The following TMEM131 variants were observed in gnomAD, a reference collection of about 807,000 sequenced individuals.
The protein encoded by TMEM131 is transmembrane protein 131, also known as 2610524E03Rik.
TMEM131 carries 66 observed loss-of-function variants against 211.6 expected under a neutral mutation model. That is an observed-to-expected ratio of 0.31 (90% CI 0.26 to 0.38). The LOEUF is 0.38. Ranked by LOEUF, TMEM131 falls within the 10% of genes least tolerant of loss-of-function variation. The probability of loss-of-function intolerance (pLI) is 1.00; values close to 1 mark genes in which losing one functional copy is unlikely to be tolerated. For missense variants in TMEM131, 2,036 were observed against 2,299.3 expected (o/e 0.89, Z 2.34); for synonymous variants, 844 against 841.3 (o/e 1.00, Z -0.06).
At chr2:97,987,399 AG>A (rs1265981871) in intron 1 of TMEM131, among the ~76,000 whole-genome samples, 9 of 152,144 alleles carry the variant, frequency 5.9e-5, no homozygotes, top group Admixed American at 3.9e-4. Context: ...GCTACTCAGG[AG>A]GCTGAGGCAG....
rs777788622 is a variant in TMEM131 at position 97,814,035 on chromosome 2, ATGT to A, written c.1550_1552del (p.Asn517del). 4 of 1,601,568 alleles carry A rather than the reference ATGT, an allele frequency of 2.5e-6. No individual in the cohort carries two copies. Among genetic ancestry groups the A allele is most frequent in the Non-Finnish European group, 3.4e-6 (4 of 1,173,060 alleles). On this transcript the variant is annotated inframe_deletion, in exon 15 of 41. Transcript: ENST00000186436. Reference sequence around the variant, plus strand: ...TTTAGAAGCATTGGTAATAAGTAAAATGTTGTTATCAATGTGCATGGATGATGT... The same window carrying A: ...TTTAGAAGCATTGGTAATAAGTAAAATGTTATCAATGTGCATGGATGATGT...
intron 36 of TMEM131, 132 bp from the exon 37 acceptor site, chr2:97,761,046 C>T (rs1678813556): frequency 7.4e-6 from 9 of 1,220,372 alleles, no homozygotes; most frequent in Non-Finnish European, 9.2e-6. Context: ...ATCGCTCAGC[C>T]TCATGTCACA....
At chr2:97,772,061 C>A (rs923675826) in intron 33 of TMEM131, among the ~76,000 whole-genome samples, 1 of 152,188 alleles carries the variant, frequency 6.6e-6, no homozygotes, top group Non-Finnish European at 1.5e-5. Flanking sequence ...TATAACAGAT[C>A]GTGAGCTCTG....
chr2:97,970,940 G>A (rs1333298233), intron 1 of TMEM131, among the ~76,000 whole-genome samples: 1 of 152,118 alleles, frequency 6.6e-6, no homozygotes, highest in Non-Finnish European at 1.5e-5. Flanking sequence ...ATAAAAGCCG[G>A]GTTTGTTTTT....
intron 36 of TMEM131, 200 bp downstream of exon 36, chr2:97,761,835 A>C (rs1678868060): frequency 1.8e-6 from 1 of 546,664 alleles, no homozygotes; most frequent in South Asian, 2.7e-5. Context: ...TTAGAATGGG[A>C]ACCGGGTTAC....
intron 5 of TMEM131, among the ~76,000 whole-genome samples, chr2:97,851,983 A>T (rs1673643051): frequency 6.6e-6 from 1 of 152,196 alleles, no homozygotes; most frequent in African/African-American, 2.4e-5. Context: ...GAGAGGCTCA[A>T]AGCTAGGCCT....
At chr2:97,854,038 T>C (rs1673740134) in intron 5 of TMEM131, among the ~76,000 whole-genome samples, 1 of 152,216 alleles carries the variant, frequency 6.6e-6, no homozygotes, top group Non-Finnish European at 1.5e-5. Flanking sequence ...TTAAACAGCA[T>C]TGCACGCTAC....
At position 97,874,729 on chromosome 2, in the gene TMEM131, A is replaced by G. The variant is rs762304534; in HGVS notation, c.359+13323T>C. The stretch of plus-strand genomic sequence containing the variant: ...TACAAGAGCTCCTGAAGGAAGCACT[A>G]AATATGGACAGGAACAACCAGTAGC... On this transcript the variant is annotated intron_variant, in intron 4 of 40. Coordinates refer to ENST00000186436, the MANE Select transcript of TMEM131 (RefSeq NM_015348.2). 2.6e-4 allele frequency among the ~76,000 whole-genome samples: 40 copies of G among 152,366 alleles called. 1 individual carries two copies. The highest frequency in any genetic ancestry group is 1.0e-3 in the South Asian group (5 of 4,832).
intron 1 of TMEM131, among the ~76,000 whole-genome samples, chr2:97,930,400 A>T (rs1677169766): frequency 6.6e-6 from 1 of 151,810 alleles, no homozygotes; most frequent in Admixed American, 6.6e-5. Context: ...AAGCTTTAAA[A>T]ATATATAAAA....
chr2:97,762,051 TGAC>T lies in TMEM131; in HGVS notation c.4870_4872del (p.Val1624del). 5 of 1,576,236 alleles carry T rather than the reference TGAC, an allele frequency of 3.2e-6. No individual in the cohort carries two copies. Among genetic ancestry groups the T allele is most frequent in the Non-Finnish European group, 4.3e-6 (5 of 1,166,522 alleles). On this transcript the variant is annotated inframe_deletion, in exon 36 of 41. Transcript: ENST00000186436. ...CAGGCCTACCTGCTGGAGCTGCTGT[TGAC>T]GATGCTGCTGTAGCTGCCCCGGGCC...
intron 1 of TMEM131, among the ~76,000 whole-genome samples, chr2:97,978,522 C>A (rs1386912426): frequency 6.6e-6 from 1 of 152,108 alleles, no homozygotes; most frequent in Non-Finnish European, 1.5e-5. Context: ...GTAGCTGGGA[C>A]AACAGGTGAG....
intron 3 of TMEM131, among the ~76,000 whole-genome samples, chr2:97,900,284 A>G (rs980210092): frequency 6.6e-6 from 1 of 152,114 alleles, no homozygotes; most frequent in Non-Finnish European, 1.5e-5. Flanking sequence ...GCTAAGCTGA[A>G]CTTACACCTT....
intron 4 of TMEM131, among the ~76,000 whole-genome samples, chr2:97,860,374 T>G (rs1674019413): frequency 6.6e-6 from 1 of 152,072 alleles, no homozygotes; most frequent in Admixed American, 6.5e-5. Context: ...ATCCAAACCC[T>G]CATTTCTAAT....
Position 97,768,836 on chromosome 2 carries a change from C to T in TMEM131, c.4449-2234G>A, listed in dbSNP as rs139756866. Among the ~76,000 whole-genome samples, 479 of 152,276 alleles carry T rather than the reference C, an allele frequency of 3.1e-3. 4 individuals carry two copies. Among genetic ancestry groups the T allele is most frequent in the African/African-American group, 8.8e-3 (366 of 41,544 alleles). On this transcript the variant is annotated intron_variant, in intron 33 of 40. Transcript: ENST00000186436. ...GAAGTCCTGACCTCCGGTGATCTGC[C>T]GTCCTTGGCCTCCCAAAGTGCTGGG... is the stretch of plus-strand genomic sequence containing the variant.
chr2:97,968,061 C>G (rs145815395), intron 1 of TMEM131, among the ~76,000 whole-genome samples: 14 of 152,144 alleles, frequency 9.2e-5, no homozygotes, highest in African/African-American at 3.4e-4. Context: ...CCCCAGCACC[C>G]GACCTATCCT....
intron 1 of TMEM131, among the ~76,000 whole-genome samples, chr2:97,928,031 T>G (rs556443953): frequency 7.2e-5 from 11 of 152,176 alleles, no homozygotes; most frequent in Non-Finnish European, 1.5e-4. Flanking sequence ...AAAGCTAACA[T>G]AGTTATACCA....
At position 97,918,960 on chromosome 2, in the gene TMEM131, G is replaced by A. The variant is rs140701946; in HGVS notation, c.249+8466C>T. On this transcript the variant is annotated intron_variant, in intron 2 of 40. Transcript: ENST00000186436. ...TGGTTGTCTAAGATGGCTCATTCAC[G>A]TGATGGGAAAGTGATGCTGGCTGTC... Among the ~76,000 whole-genome samples the A allele has an allele frequency of 2.2e-4, 33 of 152,284 alleles. 1 individual carries two copies. The highest frequency in any genetic ancestry group is 1.2e-3 in the East Asian group (6 of 5,188).
At chr2:97,758,354 T>C (rs1381953926) in intron 40 of TMEM131, among the ~76,000 whole-genome samples, 1 of 152,260 alleles carries the variant, frequency 6.6e-6, no homozygotes, top group Non-Finnish European at 1.5e-5. Flanking sequence ...AAACCACTAA[T>C]TATTTTCCTT....
intron 11 of TMEM131, among the ~76,000 whole-genome samples, chr2:97,832,403 C>T (rs1175846947): frequency 6.6e-6 from 1 of 152,188 alleles, no homozygotes; most frequent in Non-Finnish European, 1.5e-5. Context: ...AATGCTAGGT[C>T]AGATATGAAG....
Sources: gnomAD v4.1 joint callset for allele counts (sites outside exome capture counted in the v4.1 genomes callset) on GRCh38, gnomAD v4.1.1 for gene constraint, MANE v1.5 for transcripts, NCBI Gene and HGNC (gene_info 2026-07-23, HGNC 2026-07-21) for gene names.